Variants in AGAP1 observed in about 807,000 individuals in gnomAD.
AGAP1 encodes arf-GAP with GTPase, ANK repeat and PH domain-containing protein 1.
In AGAP1, 29 loss-of-function variants were observed where a neutral mutation model predicts 105.3. That is an observed-to-expected ratio of 0.28 (90% CI 0.21 to 0.38). AGAP1 has a LOEUF of 0.38. AGAP1 is among the 10% of genes least tolerant of loss of function. The pLI is 1.00. For missense variants in AGAP1, 998 were observed against 1,165.1 expected, an observed-to-expected ratio of 0.86 and a Z score of 2.09; for synonymous variants, 509 against 485.9, an observed-to-expected ratio of 1.05 and a Z score of -0.63.
At chr2:235,831,172 A>ACT (rs1390183011) in intron 9 of AGAP1, among the ~76,000 whole-genome samples, 1 of 136,736 alleles carries the variant, frequency 7.3e-6, no homozygotes, top group Non-Finnish European at 1.5e-5. Context: ...AGAGTGCTTC[A>ACT]CTCTTCTTCT....
chr2:235,702,183 A>G (rs1263384606), intron 1 of AGAP1, among the ~76,000 whole-genome samples: 2 of 152,190 alleles, frequency 1.3e-5, no homozygotes, highest in African/African-American at 4.8e-5. Context: ...GAGACCATCA[A>G]GTCATTCTAA....
Position 235,714,938 on chromosome 2 carries a change from C to T in AGAP1, c.223-2619C>T, listed in dbSNP as rs2149534517. On this transcript the variant is annotated intron_variant, in intron 2 of 17. Coordinates refer to ENST00000304032, the MANE Select transcript of AGAP1 (RefSeq NM_001037131.3). This position sits in a 1 kb window ranked among gnomAD's most constrained non-coding sequence, Gnocchi z 4.1. ...TTAGCCTCCTGAGTAGCTGGGACTACAGGCGTGTGCCACCACGCCTTGTTA... is the reference window on the plus strand; with the variant it reads ...TTAGCCTCCTGAGTAGCTGGGACTATAGGCGTGTGCCACCACGCCTTGTTA... Among the ~76,000 whole-genome samples, 1 of 152,292 alleles carries T rather than the reference C, an allele frequency of 6.6e-6. No individual in the cohort carries two copies. The highest frequency in any genetic ancestry group is 1.5e-5 in the Non-Finnish European group (1 of 68,030).
In AGAP1 at chr2:236,014,839, T is replaced by C; in HGVS notation, c.1646-21722T>C. 1 of 459,226 alleles carries C rather than the reference T, an allele frequency of 2.2e-6. No individual in the cohort carries two copies. Among genetic ancestry groups the C allele is most frequent in the Non-Finnish European group, 4.5e-6 (1 of 222,714 alleles). The allele number at this position is 459,226 out of a possible 1,614,324, so 28.4% of individuals were successfully genotyped here. A position where few individuals can be genotyped will look rare whatever the true frequency, so the allele number is the denominator to read the frequency against. ...AAGCATGGAAACTAAACCGTGTTGG[T>C]AGCCTGCGAAATATATACAGCAGCA... On this transcript the variant is annotated intron_variant, in intron 13 of 17. Transcript: ENST00000304032. The surrounding 1 kb of genome is among the most constrained non-coding windows in gnomAD (Gnocchi z 6.3).
intron 6 of AGAP1, among the ~76,000 whole-genome samples, chr2:235,771,267 C>T (rs1404278960): frequency 6.6e-6 from 1 of 152,226 alleles, no homozygotes; most frequent in East Asian, 1.9e-4. Flanking sequence ...GGCAGATGGT[C>T]AGAGGCAGGC....
In AGAP1 at chr2:235,933,613, A is replaced by G. The variant is rs1031363073; in HGVS notation, c.1483+2690A>G. Among the ~76,000 whole-genome samples, 3 of 150,514 alleles carry G rather than the reference A, an allele frequency of 2.0e-5. No individual in the cohort carries two copies. In the Admixed American group the frequency reaches 2.0e-4, roughly 10 times the overall value. ...AGTGGCGCGACCCCGGCTCACTGCA[A>G]CCTCCGCCTCCCGGACTCAAGCAGT... On this transcript the variant is annotated intron_variant, in intron 12 of 17. Transcript: ENST00000304032.
chr2:236,031,497 T>C (rs918810396), intron 13 of AGAP1, among the ~76,000 whole-genome samples: 8 of 152,088 alleles, frequency 5.3e-5, no homozygotes, highest in African/African-American at 1.9e-4. Flanking sequence ...GCTGCCTTCA[T>C]TGAGAACACA....
intron 9 of AGAP1, among the ~76,000 whole-genome samples, chr2:235,808,544 C>T (rs1957960736): frequency 6.6e-6 from 1 of 152,136 alleles, no homozygotes; most frequent in South Asian, 2.1e-4. Context: ...GGAGGGAGTC[C>T]ACAGAGTTTC....
rs1036865967 is a variant in AGAP1, at chr2:235,721,501, G to GTT, written c.310+3858_310+3859insTT. ...TATGTGTGTGTGTGTGTGTGTGTGT[G>GTT]TGTACACCTAGGTGTGTAATATATG... On this transcript the variant is annotated intron_variant, in intron 3 of 17. Coordinates refer to ENST00000304032, the MANE Select transcript of AGAP1 (RefSeq NM_001037131.3). The surrounding 1 kb of genome is among the most constrained non-coding windows in gnomAD (Gnocchi z 4.5). 4.0e-5 allele frequency among the ~76,000 whole-genome samples: 6 copies of GTT among 151,616 alleles called. No individual in the cohort carries two copies. Among genetic ancestry groups the GTT allele is most frequent in the Non-Finnish European group, 8.8e-5 (6 of 67,936 alleles).
intron 1 of AGAP1, among the ~76,000 whole-genome samples, chr2:235,699,205 G>C (rs1950141436): frequency 6.6e-6 from 1 of 152,142 alleles, no homozygotes; most frequent in Non-Finnish European, 1.5e-5. Flanking sequence ...GGGTGTTACT[G>C]CTGGGGCATG....
In AGAP1 at chr2:236,131,548, A is replaced by T. The variant is rs539739831; in HGVS notation, c.*7426A>T. 1 of 152,086 alleles carries T rather than the reference A, an allele frequency of 6.6e-6. No homozygotes were observed. The highest frequency in any genetic ancestry group is 1.5e-5 in the Non-Finnish European group (1 of 68,012). 9.4% of individuals were successfully genotyped at this position (152,086 alleles called of 1,614,324 possible). ...CAACTTTATGTTTCACAATGACTCAATGATGCTTTATTTATATTGTTTGTA... is the reference window on the plus strand; with the variant it reads ...CAACTTTATGTTTCACAATGACTCATTGATGCTTTATTTATATTGTTTGTA... On this transcript the variant is annotated 3_prime_UTR_variant, in exon 18 of 18. Coordinates refer to ENST00000304032, the MANE Select transcript of AGAP1 (RefSeq NM_001037131.3). The surrounding 1 kb of genome is among the most constrained non-coding windows in gnomAD (Gnocchi z 5.9).
intron 1 of AGAP1, among the ~76,000 whole-genome samples, chr2:235,646,428 C>G (rs189811533): frequency 2.0e-5 from 3 of 152,286 alleles, no homozygotes; most frequent in South Asian, 2.1e-4. Context: ...ACCATATTAG[C>G]AAGACTTGAA....
intron 10 of AGAP1, among the ~76,000 whole-genome samples, chr2:235,884,447 T>TC (rs1316785821): frequency 6.9e-6 from 1 of 145,920 alleles, no homozygotes; most frequent in Non-Finnish European, 1.5e-5. Context: ...AGGTTATTTT[T>TC]CACTGTTTTT....
rs2125520696 is a variant in AGAP1, at chr2:236,002,289, G to T, written c.1645+33666G>T. 6.6e-6 allele frequency among the ~76,000 whole-genome samples: 1 copy of T among 152,274 alleles called. No homozygotes were observed. The highest frequency in any genetic ancestry group is 6.5e-5 in the Admixed American group (1 of 15,296). The stretch of plus-strand genomic sequence containing the variant: ...CCAGCCTGAGCCCAGGAGGCTCCTG[G>T]TCCCGTCCTGGAACAGCCGGTGACT... On this transcript the variant is annotated intron_variant, in intron 13 of 17. Coordinates refer to ENST00000304032, the MANE Select transcript of AGAP1 (RefSeq NM_001037131.3). The surrounding 1 kb of genome is among the most constrained non-coding windows in gnomAD (Gnocchi z 4.3).
chr2:235,671,954 AGTG>A (rs1363104587), intron 1 of AGAP1, among the ~76,000 whole-genome samples: 2 of 152,140 alleles, frequency 1.3e-5, no homozygotes, highest in Non-Finnish European at 2.9e-5. Flanking sequence ...TGGGGGTGGA[AGTG>A]GTGCTAGATT....
chr2:235,763,978 G>T (rs866719082), intron 6 of AGAP1, among the ~76,000 whole-genome samples: 8 of 113,024 alleles, frequency 7.1e-5, no homozygotes, highest in Admixed American at 3.1e-4. Context: ...GCACTGGTCT[G>T]AAGATCTGTG....
At chr2:235,646,174 C>A (rs1306669146) in intron 1 of AGAP1, among the ~76,000 whole-genome samples, 2 of 149,738 alleles carry the variant, frequency 1.3e-5, no homozygotes, top group Non-Finnish European at 3.0e-5. Context: ...CCTCGGGAAG[C>A]TGAGGCAGGA....
At chr2:235,839,689 G>A (rs1367821757) in intron 9 of AGAP1, among the ~76,000 whole-genome samples, 2 of 152,160 alleles carry the variant, frequency 1.3e-5, no homozygotes, top group Non-Finnish European at 2.9e-5. Flanking sequence ...CAGCGAGTTC[G>A]TTTCCACCCC....
chr2:235,810,038 C>A (rs902162235), intron 9 of AGAP1, among the ~76,000 whole-genome samples: 1 of 152,200 alleles, frequency 6.6e-6, no homozygotes, highest in Non-Finnish European at 1.5e-5. Context: ...CTCTCTGCCC[C>A]TATGTCTGCG....
In AGAP1 at chr2:235,806,564, C is replaced by A. The variant is rs573486358; in HGVS notation, c.958-675C>A. 3.3e-5 allele frequency among the ~76,000 whole-genome samples: 5 copies of A among 152,258 alleles called. No homozygotes were observed. The South Asian group carries it at 1.0e-3, about 32-fold the overall frequency. On this transcript the variant is annotated intron_variant, in intron 8 of 17. Transcript: ENST00000304032. The stretch of plus-strand genomic sequence containing the variant: ...CGTCCGCAGCACGTCAGCAGTGCAT[C>A]GGAGATAATTGACTCAGGACCTTGT...
Sources: gnomAD v4.1 joint callset for allele counts (sites outside exome capture counted in the v4.1 genomes callset) on GRCh38, gnomAD v4.1.1 for gene constraint, Gnocchi (gnomAD v3.1) non-coding constraint, MANE v1.5 for transcripts, NCBI Gene and HGNC (gene_info 2026-07-23, HGNC 2026-07-21) for gene names.